The following RNF10 variants were observed in gnomAD, a reference collection of about 807,000 sequenced individuals.
RNF10 encodes the protein E3 ubiquitin-protein ligase RNF10.
RNF10 carries 38 observed loss-of-function variants against 91.4 expected under a neutral mutation model. The observed-to-expected ratio is 0.42, with a 90% confidence interval of 0.32 to 0.54. RNF10 has a LOEUF of 0.54. RNF10 is among the 20% of genes least tolerant of loss of function. RNF10 has a pLI of 0.16. For synonymous variants in RNF10, 364 were observed against 366.3 expected (o/e 0.99, Z 0.07); for missense variants, 945 against 1,012.0 (o/e 0.93, Z 0.90).
chr12:120,558,581 T>C (rs1009426206), intron 6 of RNF10, among the ~76,000 whole-genome samples: 7 of 150,496 alleles, frequency 4.7e-5, no homozygotes, highest in African/African-American at 1.7e-4. Context: ...ATATATATTT[T>C]TTTTTGAGAC....
At chr12:120,539,325 T>C (rs1871237764) in intron 1 of RNF10, 1 of 958,116 alleles carries the variant, frequency 1.0e-6, no homozygotes, top group African/African-American at 1.7e-5. Context: ...CTTACTGGCA[T>C]GTGCATCATT....
chr12:120,544,192 A>G (rs899566377), intron 1 of RNF10, among the ~76,000 whole-genome samples: 2 of 151,938 alleles, frequency 1.3e-5, no homozygotes, highest in Non-Finnish European at 2.9e-5. Flanking sequence ...GCGCCACTGC[A>G]CTCCAGCCTG....
intron 14 of RNF10, chr12:120,575,281 C>T (rs1001337011): frequency 3.7e-6 from 1 of 267,920 alleles, no homozygotes; most frequent in Non-Finnish European, 7.2e-6. Flanking sequence ...TCCGACAGCT[C>T]GATGTTTTTA....
At position 120,556,530 on chromosome 12, in the gene RNF10, CAAAAAAAAAAAAAA is replaced by C. The variant is rs34889649; in HGVS notation, c.646-738_646-725del. Reference sequence around the variant, plus strand: ...TGGGTGACAGAGTGAGACTCCGTCTCAAAAAAAAAAAAAAAAAAAAAAAAAAAGCTTGAACTCTC... The same window carrying C: ...TGGGTGACAGAGTGAGACTCCGTCTCAAAAAAAAAAAAAGCTTGAACTCTC... On this transcript the variant is annotated intron_variant, in intron 4 of 16. Transcript: ENST00000325954. Among the ~76,000 whole-genome samples, 16 of 19,218 alleles carry C rather than the reference CAAAAAAAAAAAAAA, an allele frequency of 8.3e-4. 1 individual carries two copies. The South Asian group carries it at 0.034, about 41-fold the overall frequency. 12.6% of individuals were successfully genotyped at this position (19,218 alleles called of 152,430 possible).
rs1332322399 is a variant in RNF10 at position 120,571,219 on chromosome 12, T to G, written c.2070T>G (p.Thr690=). 1 of 1,613,924 alleles carries G rather than the reference T, an allele frequency of 6.2e-7. No homozygotes were observed. ...ADFLLTPLSP[T]ASQGSPSFCV... is the part of the protein sequence containing the mutation. ...TTCTGCTGACCCCTCTGTCACCCAC[T>G]GCCAGTCAGGGCAGTCCCTCATTCT... The change falls in exon 14 of 17, where the codon ACT becomes ACG. Residue 690 remains threonine (T), a synonymous_variant. Transcript: ENST00000325954.
intron 3 of RNF10, among the ~76,000 whole-genome samples, chr12:120,553,067 T>G (rs1593073777): frequency 6.0e-4 from 3 of 5,038 alleles, no homozygotes; most frequent in Non-Finnish European, 5.9e-4. Flanking sequence ...TTTTTTTTTT[T>G]TTTTTTTTTT....
intron 14 of RNF10, among the ~76,000 whole-genome samples, chr12:120,572,468 G>A (rs562427700): frequency 6.6e-6 from 1 of 152,144 alleles, no homozygotes; most frequent in African/African-American, 2.4e-5. Context: ...GGAGGGTTCC[G>A]AAGTCAAGGA....
In RNF10 at chr12:120,534,991, G is replaced by C. The variant is rs1039157989; in HGVS notation, c.157+23G>C. 5.1e-6 allele frequency: 8 copies of C among 1,572,522 alleles called. No individual in the cohort carries two copies. In the African/African-American group the frequency reaches 1.1e-4, roughly 21 times the overall value. ...GCGGTAAGGACGGGCCTGCGGCAGT[G>C]GGCGGGGGCGACTGCCCCTGCTGCT... On this transcript the variant is annotated intron_variant, in intron 1 of 16. Transcript: ENST00000325954.
intron 14 of RNF10, among the ~76,000 whole-genome samples, chr12:120,572,821 G>GA (rs1218850363): frequency 6.7e-6 from 1 of 149,914 alleles, no homozygotes; most frequent in Admixed American, 6.7e-5. Flanking sequence ...GGCTGGTCTA[G>GA]AACTCTTGAC....
At chr12:120,537,157 T>C (rs1350206052) in intron 1 of RNF10, among the ~76,000 whole-genome samples, 3 of 150,890 alleles carry the variant, frequency 2.0e-5, no homozygotes. Context: ...AAAAAATAAA[T>C]GAGCCGGGCG....
chr12:120,563,656 G>C (rs535624740), intron 9 of RNF10, 33 bp downstream of exon 9: 3 of 1,573,882 alleles, frequency 1.9e-6, no homozygotes. Flanking sequence ...CTGGGTTGCC[G>C]CAGAGGTGTT....
At chr12:120,535,100 G>C (rs1870551237) in intron 1 of RNF10, 132 bp downstream of exon 1, 1 of 1,010,874 alleles carries the variant, frequency 9.9e-7, no homozygotes, top group Non-Finnish European at 1.4e-6. Context: ...CCTTTTCCAT[G>C]GCTCTCATTT....
chr12:120,560,580 C>A (rs1874701256), intron 6 of RNF10, 146 bp from the exon 7 acceptor site: 2 of 719,428 alleles, frequency 2.8e-6, no homozygotes, highest in Non-Finnish European at 4.5e-6. Flanking sequence ...TATTTTAAGA[C>A]CATTGTTAAA....
intron 6 of RNF10, 63 bp downstream of exon 6, chr12:120,557,745 A>G (rs1264749482): frequency 1.3e-6 from 2 of 1,566,578 alleles, no homozygotes; most frequent in Non-Finnish European, 1.8e-6. Context: ...GATTGAATAT[A>G]TCTAAGCATC....
intron 1 of RNF10, chr12:120,535,573 G>A (rs1006452237): frequency 6.6e-6 from 1 of 152,110 alleles, no homozygotes; most frequent in African/African-American, 2.4e-5. Flanking sequence ...TACTTGTAAA[G>A]GTAGGTGGAG....
At chr12:120,561,520 C>T (rs903072097) in intron 7 of RNF10, among the ~76,000 whole-genome samples, 2 of 152,222 alleles carry the variant, frequency 1.3e-5, no homozygotes, top group African/African-American at 2.4e-5. Context: ...GACCACACTC[C>T]TGGAACCACT....
chr12:120,540,898 A>G (rs1167720), intron 1 of RNF10, among the ~76,000 whole-genome samples: 40,243 of 147,598 alleles, frequency 0.27, 6,492 homozygotes, highest in Admixed American at 0.39. Flanking sequence ...CTTGTTGCCC[A>G]GGCTGGAGTG....
In RNF10 at chr12:120,546,539, C is replaced by G. The variant is rs1021762197; in HGVS notation, c.292C>G (p.Gln98Glu). ...CAAGACTTTTAACAAGATGCCTCCT[C>G]AAAGGGGCGGCGGCAGCAGCAAACT... ...KSKTFNKMPPQRGGGSSKLFS... is the reference protein window; with the variant it reads ...KSKTFNKMPPERGGGSSKLFS... Residue 98 changes from glutamine (Q) to glutamate (E), a missense_variant, in exon 2 of 17, where the codon CAA (glutamine) becomes GAA (glutamate). By Grantham distance (29) the Gln-to-Glu change is conservative (BLOSUM62 2). Transcript: ENST00000325954. 13 of 1,614,190 alleles carry G rather than the reference C, an allele frequency of 8.1e-6. No homozygotes were observed. The highest frequency in any genetic ancestry group is 1.1e-5 in the Non-Finnish European group (13 of 1,180,032).
chr12:120,563,274 G>A, intron 8 of RNF10, 73 bp from the exon 9 acceptor site: 1 of 1,540,890 alleles, frequency 6.5e-7, no homozygotes, highest in South Asian at 1.2e-5. Context: ...TTGGCTCTTA[G>A]GTCTGCATTT....
Sources: gnomAD v4.1 joint callset for allele counts (sites outside exome capture counted in the v4.1 genomes callset) on GRCh38, gnomAD v4.1.1 for gene constraint, MANE v1.5 for transcripts, NCBI Gene and HGNC (gene_info 2026-07-23, HGNC 2026-07-21) for gene names.